VMP1: variants seen among roughly 807,000 people sequenced by gnomAD.
VMP1 encodes the protein vacuole membrane protein 1.
Under a neutral mutation model 56.0 loss-of-function variants are expected in VMP1, and 11 were observed. That is an observed-to-expected ratio of 0.20 (90% confidence interval 0.12 to 0.32). VMP1 has a LOEUF of 0.32. Ranked by LOEUF, VMP1 falls within the 10% of genes least tolerant of loss-of-function variation. The probability of loss-of-function intolerance (pLI) is 1.00; values close to 1 mark genes in which losing one functional copy is unlikely to be tolerated. For synonymous variants in VMP1, 149 were observed against 165.0 expected, an observed-to-expected ratio of 0.90 and a Z score of 0.74; for missense variants, 296 against 490.3, an observed-to-expected ratio of 0.60 and a Z score of 3.74.
chr17:59,804,615 TAAAAAAAAAAAA>T (rs35616891), intron 7 of VMP1, among the ~76,000 whole-genome samples: 1 of 70,162 alleles, frequency 1.4e-5, no homozygotes, highest in African/African-American at 6.1e-5. Flanking sequence ...AGACTCCAGC[TAAAAAAAAAAAA>T]AAAAAAAAAA....
chr17:59,770,081 T>C (rs772896582), intron 6 of VMP1, among the ~76,000 whole-genome samples: 97 of 152,272 alleles, frequency 6.4e-4, no homozygotes, highest in Non-Finnish European at 1.1e-3. Flanking sequence ...AGAATTAAAC[T>C]AAAATATAAC....
At chr17:59,751,906 C>T (rs920412274) in intron 5 of VMP1, among the ~76,000 whole-genome samples, 43 of 152,084 alleles carry the variant, frequency 2.8e-4, no homozygotes, top group Non-Finnish European at 5.1e-4. Context: ...CCTCAGCCTC[C>T]TGGGCTCAAG....
chr17:59,717,205 C>T (rs945490534), intron 1 of VMP1, among the ~76,000 whole-genome samples: 1 of 152,014 alleles, frequency 6.6e-6, no homozygotes, highest in African/African-American at 2.4e-5. Flanking sequence ...CTCCTGACCT[C>T]GTGATCCGCC....
chr17:59,796,223 C>G (rs2037433590), intron 7 of VMP1, among the ~76,000 whole-genome samples: 2 of 152,154 alleles, frequency 1.3e-5, no homozygotes, highest in South Asian at 4.1e-4. Context: ...ACTCTCTCAC[C>G]TCCTTGAGAA....
intron 1 of VMP1, among the ~76,000 whole-genome samples, chr17:59,730,886 C>T (rs1413226943): frequency 6.7e-6 from 1 of 149,990 alleles, no homozygotes; most frequent in Non-Finnish European, 1.5e-5. Context: ...AGAATTGTTT[C>T]CTAAATAAAA....
chr17:59,743,559 GCTCTCTCT>G (rs367998812), intron 5 of VMP1, among the ~76,000 whole-genome samples: 3 of 145,092 alleles, frequency 2.1e-5, no homozygotes, highest in South Asian at 2.2e-4. Flanking sequence ...TTAAAAAACT[GCTCTCTCT>G]CTCTCTCTCT....
At chr17:59,779,521 G>A (rs942523417) in intron 7 of VMP1, among the ~76,000 whole-genome samples, 5 of 152,182 alleles carry the variant, frequency 3.3e-5, no homozygotes, top group South Asian at 4.1e-4. Flanking sequence ...TCACCTGTAC[G>A]CTCTCAGGTA....
intron 10 of VMP1, among the ~76,000 whole-genome samples, chr17:59,835,486 G>GT (rs1368815048): frequency 6.9e-5 from 10 of 145,604 alleles, no homozygotes; most frequent in South Asian, 6.5e-4. Context: ...TAAATATGCA[G>GT]TTTTTTGTTT....
At chr17:59,762,951 A>G (rs1231782748) in intron 5 of VMP1, among the ~76,000 whole-genome samples, 1 of 152,118 alleles carries the variant, frequency 6.6e-6, no homozygotes, top group Non-Finnish European at 1.5e-5. Flanking sequence ...AAATCTCATT[A>G]TTTTAGCTCC....
rs2036034086 is a variant in VMP1, at chr17:59,761,026, C to T, written c.415-3945C>T. ...CAAGCGATTCTCCTGCCCCAGCCTCCCCAGTAGCTGGGATTATAGGCACTT... is the reference window on the plus strand; with the variant it reads ...CAAGCGATTCTCCTGCCCCAGCCTCTCCAGTAGCTGGGATTATAGGCACTT... On this transcript the variant is annotated intron_variant, in intron 5 of 11. Coordinates refer to ENST00000262291, the MANE Select transcript of VMP1 (RefSeq NM_030938.5). Among the ~76,000 whole-genome samples the T allele has an allele frequency of 2.0e-5, 3 of 152,138 alleles. No homozygotes were observed. The South Asian group carries it at 6.2e-4, about 31-fold the overall frequency.
At chr17:59,755,973 G>C (rs1432493881) in intron 5 of VMP1, among the ~76,000 whole-genome samples, 1 of 152,158 alleles carries the variant, frequency 6.6e-6, no homozygotes, top group East Asian at 1.9e-4. Flanking sequence ...CTGGGCTCAA[G>C]TGATCCTGCT....
Position 59,817,948 on chromosome 17 carries a change from G to T in VMP1, c.974+175G>T, listed in dbSNP as rs574691644. Among the ~76,000 whole-genome samples, 4 of 152,258 alleles carry T rather than the reference G, an allele frequency of 2.6e-5. No homozygotes were observed. The East Asian group carries it at 7.7e-4, about 29-fold the overall frequency. The stretch of plus-strand genomic sequence containing the variant: ...ACTTTCTTGTTCTATAGTAGGGAAA[G>T]ATAAAGCTTACATTATCCCTGTTTA... On this transcript the variant is annotated intron_variant, in intron 10 of 11. Transcript: ENST00000262291.
intron 1 of VMP1, among the ~76,000 whole-genome samples, chr17:59,722,184 G>T (rs1752545380): frequency 6.6e-6 from 1 of 152,148 alleles, no homozygotes; most frequent in East Asian, 1.9e-4. Flanking sequence ...GCACAATTCA[G>T]CCCATTACAA....
chr17:59,806,150 A>T (rs2037835458), intron 7 of VMP1, among the ~76,000 whole-genome samples: 1 of 152,120 alleles, frequency 6.6e-6, no homozygotes, highest in African/African-American at 2.4e-5. Context: ...TTGGGGACTA[A>T]TTGTATAAAT....
At chr17:59,799,286 G>C (rs1431322645) in intron 7 of VMP1, among the ~76,000 whole-genome samples, 1 of 152,112 alleles carries the variant, frequency 6.6e-6, no homozygotes, top group Non-Finnish European at 1.5e-5. Flanking sequence ...TTCATGTGAT[G>C]TATTCTGCTT....
intron 9 of VMP1, among the ~76,000 whole-genome samples, chr17:59,812,782 T>A (rs2038095371): frequency 6.6e-6 from 1 of 151,592 alleles, no homozygotes; most frequent in African/African-American, 2.4e-5. Flanking sequence ...AACGCAAAAA[T>A]TAGCTGGGCG....
intron 7 of VMP1, among the ~76,000 whole-genome samples, chr17:59,801,664 G>A (rs1458580531): frequency 6.6e-6 from 1 of 152,114 alleles, no homozygotes; most frequent in East Asian, 1.9e-4. Flanking sequence ...GGAGGCCGAG[G>A]CAGCCGGATC....
rs145715130 is a variant in VMP1 at position 59,761,926 on chromosome 17, C to T, written c.415-3045C>T. Among the ~76,000 whole-genome samples, 53 of 152,294 alleles carry T rather than the reference C, an allele frequency of 3.5e-4. No individual in the cohort carries two copies. In the East Asian group the frequency reaches 8.7e-3, roughly 25 times the overall value. On this transcript the variant is annotated intron_variant, in intron 5 of 11. Transcript: ENST00000262291. Reference sequence around the variant, plus strand: ...GTGAACCCCAATCTCATTCTCAACTCGGCAGGAGCAACATGCTTTGTTTGG... The same window carrying T: ...GTGAACCCCAATCTCATTCTCAACTTGGCAGGAGCAACATGCTTTGTTTGG...
At position 59,729,318 on chromosome 17, in the gene VMP1, A is replaced by G. The variant is rs554375505; in HGVS notation, c.-26-2103A>G. Among the ~76,000 whole-genome samples, 10 of 152,104 alleles carry G rather than the reference A, an allele frequency of 6.6e-5. No homozygotes were observed. In the South Asian group the frequency reaches 2.1e-3, roughly 32 times the overall value. On this transcript the variant is annotated intron_variant, in intron 1 of 11. Coordinates refer to ENST00000262291, the MANE Select transcript of VMP1 (RefSeq NM_030938.5). Reference sequence around the variant, plus strand: ...ACCAACATGGTGAAACCCCGTCTCTACTAAAAATACAAAAATTAGCCAGGC... The same window carrying G: ...ACCAACATGGTGAAACCCCGTCTCTGCTAAAAATACAAAAATTAGCCAGGC...
Sources: gnomAD v4.1 joint callset for allele counts (sites outside exome capture counted in the v4.1 genomes callset) on GRCh38, gnomAD v4.1.1 for gene constraint, MANE v1.5 for transcripts, NCBI Gene and HGNC (gene_info 2026-07-23, HGNC 2026-07-21) for gene names.